The following CSMD1 variants were observed in gnomAD, a reference collection of about 807,000 sequenced individuals.
The protein encoded by CSMD1 is CUB and sushi domain-containing protein 1.
Under a neutral mutation model 417.5 loss-of-function variants are expected in CSMD1, and 213 were observed. The observed-to-expected ratio is 0.51, with a 90% CI of 0.46 to 0.57. The LOEUF is 0.57. Ranked by LOEUF, CSMD1 falls within the 20% of genes least tolerant of loss-of-function variation. The probability of loss-of-function intolerance (pLI) is 0.00; values close to 1 mark genes in which losing one functional copy is unlikely to be tolerated. For synonymous variants in CSMD1, 2,862 were observed against 1,736.8 expected, an observed-to-expected ratio of 1.65 and a Z score of -16.11; for missense variants, 6,923 against 4,529.7, an observed-to-expected ratio of 1.53 and a Z score of -15.17.
Position 3,269,646 on chromosome 8 carries a change from C to A in CSMD1, c.4153+14498G>T, listed in dbSNP as rs113707183. Among the ~76,000 whole-genome samples the A allele has an allele frequency of 9.7e-3, 1,481 of 152,288 alleles. 29 individuals are homozygous for A. Among genetic ancestry groups the A allele is most frequent in the African/African-American group, 0.034 (1,425 of 41,546 alleles). ...CCATTTTTCCCTGGGACTGGGGGAG[C>A]TGACAGTGCCACACTGAGCGTTTAT... On this transcript the variant is annotated intron_variant, in intron 26 of 69. Coordinates refer to ENST00000635120, the MANE Select transcript of CSMD1 (RefSeq NM_033225.6).
intron 5 of CSMD1, among the ~76,000 whole-genome samples, chr8:3,790,265 C>G (rs2623678): frequency 5.3e-5 from 8 of 152,010 alleles, no homozygotes; most frequent in African/African-American, 1.9e-4. Flanking sequence ...CAAACTGAAA[C>G]GAAATAACAG....
intron 3 of CSMD1, among the ~76,000 whole-genome samples, chr8:4,075,995 A>C (rs1287146605): frequency 6.6e-6 from 1 of 152,056 alleles, no homozygotes; most frequent in African/African-American, 2.4e-5. Context: ...TTTCTCTGGG[A>C]GGGTGGAGGG....
chr8:3,309,016 G>A (rs559174031), intron 23 of CSMD1, among the ~76,000 whole-genome samples: 130 of 152,160 alleles, frequency 8.5e-4, no homozygotes, highest in Non-Finnish European at 1.4e-3. Flanking sequence ...GAGCCACTGC[G>A]CCCGGCCCCT....
intron 7 of CSMD1, among the ~76,000 whole-genome samples, chr8:3,620,416 C>T (rs1802367045): frequency 6.6e-6 from 1 of 152,006 alleles, no homozygotes; most frequent in Non-Finnish European, 1.5e-5. Context: ...TTAAAACCCC[C>T]ATGTTCATTT....
At chr8:3,398,175 T>A (rs1811815093) in intron 16 of CSMD1, among the ~76,000 whole-genome samples, 1 of 152,160 alleles carries the variant, frequency 6.6e-6, no homozygotes, top group Non-Finnish European at 1.5e-5. Context: ...CTAAATTACT[T>A]AAATTTGATA....
intron 1 of CSMD1, among the ~76,000 whole-genome samples, chr8:4,679,165 C>T (rs543415822): frequency 7.5e-4 from 114 of 152,220 alleles, no homozygotes; most frequent in African/African-American, 2.3e-3. Flanking sequence ...TCAACCACAA[C>T]GCAAGTTCTA....
At position 3,351,270 on chromosome 8, in the gene CSMD1, A is replaced by C. The variant is rs150523416; in HGVS notation, c.3305-3109T>G. ...TAGTGTGGCACAGGATTCAAAAGAT[A>C]GTCTTTCACATGGCATTTTCCCCAA... is the stretch of plus-strand genomic sequence containing the variant. On this transcript the variant is annotated intron_variant, in intron 21 of 69. Coordinates refer to ENST00000635120, the MANE Select transcript of CSMD1 (RefSeq NM_033225.6). Among the ~76,000 whole-genome samples the C allele has an allele frequency of 5.3e-3, 813 of 152,282 alleles. 11 individuals are homozygous for C. The highest frequency in any genetic ancestry group is 0.019 in the African/African-American group (769 of 41,542).
At chr8:3,824,390 G>A (rs1025152211) in intron 5 of CSMD1, among the ~76,000 whole-genome samples, 56 of 152,302 alleles carry the variant, frequency 3.7e-4, no homozygotes, top group African/African-American at 1.3e-3. Context: ...AAAGCTCAGA[G>A]TGGCAAAGCT....
chr8:4,852,144 T>A (rs905212157), intron 1 of CSMD1, among the ~76,000 whole-genome samples: 1 of 152,214 alleles, frequency 6.6e-6, no homozygotes, highest in Admixed American at 6.5e-5. Flanking sequence ...ACCATATATG[T>A]TTGTTTACTC....
intron 1 of CSMD1, among the ~76,000 whole-genome samples, chr8:4,850,906 G>GCAC (rs1554501904): frequency 2.0e-5 from 3 of 147,956 alleles, no homozygotes; most frequent in Admixed American, 6.7e-5. Flanking sequence ...TGTTTCCCTT[G>GCAC]CCCCCCCACT....
At chr8:4,871,495 C>T (rs1014517312) in intron 1 of CSMD1, among the ~76,000 whole-genome samples, 3 of 152,040 alleles carry the variant, frequency 2.0e-5, no homozygotes, top group African/African-American at 7.3e-5. Context: ...GACCCAACGC[C>T]CGTGTATCTG....
At chr8:3,746,854 T>G (rs1584938067) in intron 6 of CSMD1, among the ~76,000 whole-genome samples, 1 of 152,162 alleles carries the variant, frequency 6.6e-6, no homozygotes, top group South Asian at 2.1e-4. Flanking sequence ...GTCAATAGGG[T>G]GGGGCTAAGA....
intron 3 of CSMD1, among the ~76,000 whole-genome samples, chr8:4,332,456 T>G (rs1444386455): frequency 6.6e-6 from 1 of 151,926 alleles, no homozygotes; most frequent in East Asian, 1.9e-4. Context: ...AAAAACAGTG[T>G]GTACTGTCTC....
At position 2,965,759 on chromosome 8, in the gene CSMD1, GA is replaced by G. The variant is rs370457304; in HGVS notation, c.9280+15del. On this transcript the variant is annotated intron_variant, in intron 59 of 69. Coordinates refer to ENST00000635120, the MANE Select transcript of CSMD1 (RefSeq NM_033225.6). Reference sequence around the variant, plus strand: ...TCTATACACATCTGTAAAATCCAAAGAGTCACCAAACAAACCTTTGCAGACA... The same window carrying G: ...TCTATACACATCTGTAAAATCCAAAGGTCACCAAACAAACCTTTGCAGACA... 5.1e-3 allele frequency: 8,100 copies of G among 1,587,888 alleles called. 35 individuals are homozygous for G. The highest frequency in any genetic ancestry group is 0.03 in the Middle Eastern group (184 of 6,038).
intron 5 of CSMD1, among the ~76,000 whole-genome samples, chr8:3,941,301 G>C (rs890041038): frequency 9.9e-5 from 15 of 152,166 alleles, no homozygotes; most frequent in African/African-American, 3.6e-4. Flanking sequence ...ATTTTAACCA[G>C]ATTCTCTGGA....
chr8:3,822,241 T>G (rs1014434312), intron 5 of CSMD1, among the ~76,000 whole-genome samples: 3 of 152,144 alleles, frequency 2.0e-5, no homozygotes, highest in Non-Finnish European at 4.4e-5. Context: ...TTCCATCACT[T>G]AACCTCTGGA....
At chr8:3,721,022 C>G (rs533524676) in intron 6 of CSMD1, among the ~76,000 whole-genome samples, 10 of 152,034 alleles carry the variant, frequency 6.6e-5, no homozygotes, top group Admixed American at 2.0e-4. Flanking sequence ...GGGGTTTCAC[C>G]ATGTTAGTCA....
chr8:3,306,527 G>T (rs1194385385), intron 25 of CSMD1, among the ~76,000 whole-genome samples: 1 of 152,120 alleles, frequency 6.6e-6, no homozygotes, highest in Non-Finnish European at 1.5e-5. Context: ...GAAGCAGCTG[G>T]GCTGATTCAT....
intron 26 of CSMD1, among the ~76,000 whole-genome samples, chr8:3,254,369 C>A (rs544639301): frequency 1.3e-5 from 2 of 152,076 alleles, no homozygotes; most frequent in Non-Finnish European, 2.9e-5. Flanking sequence ...TTACTCTTCT[C>A]GAGGGGTATA....
Sources: allele counts gnomAD v4.1 joint callset (sites outside exome capture counted in the v4.1 genomes callset), GRCh38; gene constraint gnomAD v4.1.1; transcripts MANE v1.5; gene names NCBI Gene and HGNC (gene_info 2026-07-23, HGNC 2026-07-21).